ITPR2: variants seen among roughly 807,000 people sequenced by gnomAD.
ITPR2 encodes inositol 1,4,5-trisphosphate receptor type 2, also known as inositol 1,4,5-trisphosphate-gated calcium channel ITPR2.
Under a neutral mutation model 317.1 loss-of-function variants are expected in ITPR2, and 207 were observed. That is an observed-to-expected ratio of 0.65 (90% confidence interval 0.58 to 0.73). ITPR2 has a LOEUF of 0.73. ITPR2 is among the 30% of genes least tolerant of loss of function. The pLI is 0.00. For synonymous variants in ITPR2, 1,156 were observed against 1,149.1 expected (o/e 1.01, Z -0.12); for missense variants, 2,613 against 3,284.0 (o/e 0.80, Z 4.99).
At chr12:26,397,811 C>G (rs1192817801) in intron 54 of ITPR2, among the ~76,000 whole-genome samples, 1 of 152,026 alleles carries the variant, frequency 6.6e-6, no homozygotes, top group Non-Finnish European at 1.5e-5. Flanking sequence ...GTGACTATCA[C>G]CAAAAGATTT....
intron 35 of ITPR2, among the ~76,000 whole-genome samples, chr12:26,561,218 A>C (rs1944809237): frequency 6.6e-6 from 1 of 152,208 alleles, no homozygotes; most frequent in African/African-American, 2.4e-5. Context: ...GCCTCAGGAG[A>C]AAGCATACCT....
At chr12:26,620,299 T>C (rs1183102223) in intron 26 of ITPR2, among the ~76,000 whole-genome samples, 1 of 152,234 alleles carries the variant, frequency 6.6e-6, no homozygotes, top group Non-Finnish European at 1.5e-5. Flanking sequence ...TTCCAAAGCA[T>C]TTCAGAAGCA....
chr12:26,703,618 T>C (rs1029161123), intron 9 of ITPR2, among the ~76,000 whole-genome samples: 1 of 152,226 alleles, frequency 6.6e-6, no homozygotes, highest in Admixed American at 6.5e-5. Flanking sequence ...ATTGCCATCG[T>C]TACCCTCAGT....
intron 2 of ITPR2, among the ~76,000 whole-genome samples, chr12:26,767,619 T>A (rs1231319897): frequency 6.6e-6 from 1 of 152,218 alleles, no homozygotes; most frequent in Non-Finnish European, 1.5e-5. Context: ...TGCCAAAGTG[T>A]ACACTTGTAC....
chr12:26,536,826 T>A (rs1944106746), intron 37 of ITPR2, among the ~76,000 whole-genome samples: 1 of 152,128 alleles, frequency 6.6e-6, no homozygotes, highest in Non-Finnish European at 1.5e-5. Context: ...ATGAGAGCAA[T>A]TGACTGGGAT....
At chr12:26,583,645 G>A (rs922375279) in intron 32 of ITPR2, among the ~76,000 whole-genome samples, 8 of 151,886 alleles carry the variant, frequency 5.3e-5, no homozygotes, top group South Asian at 2.1e-4. Context: ...TTCTCCATAC[G>A]GATATTCAAT....
At chr12:26,490,080 T>G (rs1157262167) in intron 39 of ITPR2, among the ~76,000 whole-genome samples, 1 of 152,224 alleles carries the variant, frequency 6.6e-6, no homozygotes, top group Admixed American at 6.5e-5. Context: ...AAGGTTTTCA[T>G]ATATAAGAGT....
chr12:26,410,644 T>C (rs894356822), intron 52 of ITPR2, among the ~76,000 whole-genome samples: 34 of 152,290 alleles, frequency 2.2e-4, no homozygotes, highest in African/African-American at 7.9e-4. Context: ...ACCCTTAAGA[T>C]ATTTGAAGAC....
intron 2 of ITPR2, among the ~76,000 whole-genome samples, chr12:26,731,236 C>G (rs11048671): frequency 0.2 from 30,962 of 152,134 alleles, 3,304 homozygotes; most frequent in Non-Finnish European, 0.23. Context: ...TCACGGTAGC[C>G]TGTAAAAAAC....
intron 5 of ITPR2, among the ~76,000 whole-genome samples, chr12:26,720,697 T>C (rs1385620330): frequency 6.6e-6 from 1 of 152,188 alleles, no homozygotes; most frequent in African/African-American, 2.4e-5. Context: ...AACTCCTGTA[T>C]TGCACTTAAC....
At chr12:26,517,794 C>T (rs188555771) in intron 37 of ITPR2, among the ~76,000 whole-genome samples, 9 of 152,238 alleles carry the variant, frequency 5.9e-5, no homozygotes, top group East Asian at 3.9e-4. Context: ...GTTGAGGTCA[C>T]GCCACTGCAC....
chr12:26,579,132 T>C (rs1489488722), intron 33 of ITPR2, among the ~76,000 whole-genome samples: 1 of 152,206 alleles, frequency 6.6e-6, no homozygotes, highest in Non-Finnish European at 1.5e-5. Context: ...ATCCATGGTT[T>C]ATTCCCATGA....
At chr12:26,669,656 G>A (rs918257098) in intron 13 of ITPR2, among the ~76,000 whole-genome samples, 1 of 152,228 alleles carries the variant, frequency 6.6e-6, no homozygotes, top group East Asian at 1.9e-4. Flanking sequence ...TCCATCTGAG[G>A]TACCGGGTTC....
chr12:26,678,052 G>A (rs773135249), intron 13 of ITPR2, among the ~76,000 whole-genome samples: 1 of 152,182 alleles, frequency 6.6e-6, no homozygotes, highest in Non-Finnish European at 1.5e-5. Flanking sequence ...GCATGGCCAA[G>A]TGCCTGGCAC....
chr12:26,463,652 C>T lies in ITPR2; in HGVS notation c.6342+11644G>A, dbSNP rs1470377689. 3.3e-5 allele frequency among the ~76,000 whole-genome samples: 5 copies of T among 150,914 alleles called. No homozygotes were observed. In the East Asian group the frequency reaches 7.8e-4, roughly 23 times the overall value. On this transcript the variant is annotated intron_variant, in intron 45 of 56. Transcript: ENST00000381340. ...TGCACTCCAGCCTGGGCAACAAGGGCGAAACTCCATCTCAAAAAACAAAAC... is the reference window on the plus strand; with the variant it reads ...TGCACTCCAGCCTGGGCAACAAGGGTGAAACTCCATCTCAAAAAACAAAAC...
At chr12:26,501,374 C>T (rs370872746) in intron 37 of ITPR2, among the ~76,000 whole-genome samples, 15 of 152,152 alleles carry the variant, frequency 9.9e-5, no homozygotes, top group African/African-American at 3.6e-4. Flanking sequence ...TTCTGTCCAT[C>T]GTTATAATCA....
intron 37 of ITPR2, among the ~76,000 whole-genome samples, chr12:26,503,105 C>T (rs1431560448): frequency 6.6e-6 from 1 of 151,482 alleles, no homozygotes; most frequent in Non-Finnish European, 1.5e-5. Flanking sequence ...GAGAGTGTGG[C>T]TGGTTCACAG....
chr12:26,602,221 A>G (rs1946017021), intron 28 of ITPR2, 149 bp downstream of exon 28: 2 of 721,996 alleles, frequency 2.8e-6, no homozygotes, highest in Middle Eastern at 3.2e-4. Flanking sequence ...TGTAGAAAAC[A>G]TACACAAAAG....
chr12:26,549,589 T>A (rs1237114443), intron 37 of ITPR2, among the ~76,000 whole-genome samples: 2 of 152,214 alleles, frequency 1.3e-5, no homozygotes, highest in East Asian at 1.9e-4. Flanking sequence ...CTAAAAAAAA[T>A]TCTCTAGATT....
Sources: gnomAD v4.1 joint callset for allele counts (sites outside exome capture counted in the v4.1 genomes callset) on GRCh38, gnomAD v4.1.1 for gene constraint, MANE v1.5 for transcripts, NCBI Gene and HGNC (gene_info 2026-07-23, HGNC 2026-07-21) for gene names.